Variants in ERCC8 observed in about 807,000 individuals in gnomAD.
The protein encoded by ERCC8 is DNA excision repair protein ERCC-8.
A neutral mutation model predicts 54.9 loss-of-function variants in ERCC8; 52 were observed. The ratio of observed to expected loss-of-function variants is 0.95; its 90% CI spans 0.76 to 1.19. The LOEUF is 1.19. Among genes scored for constraint, ERCC8 ranks in the 50% most tolerant of loss-of-function variants. The pLI, the probability that ERCC8 is intolerant of heterozygous loss-of-function variation, is 0.00. For synonymous variants in ERCC8, 146 were observed against 157.2 expected (o/e 0.93, Z 0.53); for missense variants, 514 against 466.1 (o/e 1.10, Z -0.95).
intron 1 of ERCC8, among the ~76,000 whole-genome samples, chr5:60,937,583 C>T (rs566735064): frequency 4.1e-4 from 63 of 152,270 alleles, no homozygotes; most frequent in African/African-American, 1.4e-3. Context: ...TGGGGAAGGC[C>T]GGCAGCCAAA....
chr5:60,941,852 T>C (rs1750266548), intron 1 of ERCC8, among the ~76,000 whole-genome samples: 1 of 152,156 alleles, frequency 6.6e-6, no homozygotes, highest in African/African-American at 2.4e-5. Flanking sequence ...GAAATAACTA[T>C]CTGGTTAAAT....
chr5:60,937,345 G>A (rs1309268382), intron 1 of ERCC8, among the ~76,000 whole-genome samples: 1 of 152,168 alleles, frequency 6.6e-6, no homozygotes, highest in Non-Finnish European at 1.5e-5. Flanking sequence ...TGGTGGGCAG[G>A]CCGATAGAGC....
At chr5:60,891,173 T>C (rs763847634) in intron 9 of ERCC8, 87 bp from the exon 10 acceptor site, 12 of 921,940 alleles carry the variant, frequency 1.3e-5, no homozygotes, top group African/African-American at 3.3e-5. Context: ...TAAAATATTA[T>C]GCTATAAAAA....
At chr5:60,893,241 T>C (rs1748620220) in intron 9 of ERCC8, 3 of 1,007,944 alleles carry the variant, frequency 3.0e-6, no homozygotes, top group African/African-American at 1.6e-5. Flanking sequence ...TAAGCCTTCA[T>C]AGTGGCCTCG....
In ERCC8 at chr5:60,880,025, A is replaced by G. The variant is rs536046542; in HGVS notation, c.1123-5342T>C. 1.1e-3 allele frequency among the ~76,000 whole-genome samples: 172 copies of G among 152,224 alleles called. 1 individual carries two copies. The highest frequency in any genetic ancestry group is 4.0e-3 in the African/African-American group (166 of 41,530). On this transcript the variant is annotated intron_variant, in intron 11 of 11. Coordinates refer to ENST00000676185, the MANE Select transcript of ERCC8 (RefSeq NM_000082.4). ...GTACCGGTTGTTCCTTTCCATGTTTAGTGCTTCCTTCAGGAGCTCTTTTAG... is the reference window on the plus strand; with the variant it reads ...GTACCGGTTGTTCCTTTCCATGTTTGGTGCTTCCTTCAGGAGCTCTTTTAG...
At chr5:60,883,549 G>A (rs1748308809) in intron 11 of ERCC8, among the ~76,000 whole-genome samples, 1 of 152,188 alleles carries the variant, frequency 6.6e-6, no homozygotes. Context: ...TATGAGTTTA[G>A]AGAAGGAATA....
intron 11 of ERCC8, among the ~76,000 whole-genome samples, chr5:60,886,243 T>C (rs1339834750): frequency 1.3e-5 from 2 of 152,116 alleles, no homozygotes; most frequent in Admixed American, 6.6e-5. Flanking sequence ...ACAGAGGCTA[T>C]TACTTTAGGT....
chr5:60,900,836 C>T (rs1406229643), intron 7 of ERCC8: 1 of 152,060 alleles, frequency 6.6e-6, no homozygotes, highest in East Asian at 1.9e-4. Context: ...TAGCTCTCCT[C>T]TTATCTGATG....
In ERCC8 at chr5:60,870,334, T is replaced by C. The variant is rs1579975394; in HGVS notation, c.*4281A>G. Among the ~76,000 whole-genome samples the C allele has an allele frequency of 6.6e-6, 1 of 151,352 alleles. No homozygotes were observed. The highest frequency in any genetic ancestry group is 1.5e-5 in the Non-Finnish European group (1 of 67,854). Reference sequence around the variant, plus strand: ...AAAAGGGCAAGGAGAAACGAAAAGATAAGACAATGAAAGAGAAGTCGAAGT... The same window carrying C: ...AAAAGGGCAAGGAGAAACGAAAAGACAAGACAATGAAAGAGAAGTCGAAGT... On this transcript the variant is annotated 3_prime_UTR_variant, in exon 12 of 12. Transcript: ENST00000676185.
chr5:60,885,166 C>G (rs1022986099), intron 11 of ERCC8, among the ~76,000 whole-genome samples: 2 of 151,988 alleles, frequency 1.3e-5, no homozygotes, highest in Non-Finnish European at 2.9e-5. Context: ...TGTAAAGCCA[C>G]CAAACCTGGC....
At position 60,874,096 on chromosome 5, in the gene ERCC8, G is replaced by T. The variant is rs4647157; in HGVS notation, c.*519C>A. 0.047 allele frequency: 7,174 copies of T among 152,698 alleles called. 572 individuals are homozygous for T. Among genetic ancestry groups the T allele is most frequent in the African/African-American group, 0.16 (6,796 of 41,508 alleles). The allele number at this position is 152,698 out of a possible 1,614,324, so 9.5% of individuals were successfully genotyped here. On this transcript the variant is annotated 3_prime_UTR_variant, in exon 12 of 12. Coordinates refer to ENST00000676185, the MANE Select transcript of ERCC8 (RefSeq NM_000082.4). The stretch of plus-strand genomic sequence containing the variant: ...TGAGCCCCAAAATGTTTAACATAAA[G>T]CATGGTTAATTAAATGAAACCACTG...
At chr5:60,894,268 G>A (rs1468194501) in intron 9 of ERCC8, among the ~76,000 whole-genome samples, 1 of 152,270 alleles carries the variant, frequency 6.6e-6, no homozygotes, top group Admixed American at 6.5e-5. Context: ...ACAGGCGTGA[G>A]CCACTGCGCC....
chr5:60,876,357 T>C (rs535073544), intron 11 of ERCC8, among the ~76,000 whole-genome samples: 2 of 152,370 alleles, frequency 1.3e-5, no homozygotes, highest in African/African-American at 4.8e-5. Flanking sequence ...CATGTGTCTT[T>C]ATAGCAGCAT....
chr5:60,868,026 C>A lies in ERCC8; in HGVS notation c.*6589G>T, dbSNP rs1015120693. Among the ~76,000 whole-genome samples, 1 of 152,096 alleles carries A rather than the reference C, an allele frequency of 6.6e-6. No homozygotes were observed. The highest frequency in any genetic ancestry group is 6.5e-5 in the Admixed American group (1 of 15,270). On this transcript the variant is annotated 3_prime_UTR_variant, in exon 12 of 12. Transcript: ENST00000676185. ...AGAAACCCTGTCTCTACTAAAAATACAAAATAAGCCAGGCATGGTGGCGCA... is the reference window on the plus strand; with the variant it reads ...AGAAACCCTGTCTCTACTAAAAATAAAAAATAAGCCAGGCATGGTGGCGCA...
At chr5:60,878,078 T>C (rs903794493) in intron 11 of ERCC8, among the ~76,000 whole-genome samples, 1 of 152,224 alleles carries the variant, frequency 6.6e-6, no homozygotes, top group African/African-American at 2.4e-5. Flanking sequence ...GTTTTTAGCA[T>C]GAAGGTTGTT....
chr5:60,873,211 A>G lies in ERCC8; in HGVS notation c.*1404T>C, dbSNP rs959773579. ...CATGTGAGGCATATGTCAGTTAGCTAGATTTAGTCATTCTATAATGTATAT... is the reference window on the plus strand; with the variant it reads ...CATGTGAGGCATATGTCAGTTAGCTGGATTTAGTCATTCTATAATGTATAT... On this transcript the variant is annotated 3_prime_UTR_variant, in exon 12 of 12. Transcript: ENST00000676185. Among the ~76,000 whole-genome samples, 6 of 152,232 alleles carry G rather than the reference A, an allele frequency of 3.9e-5. No individual in the cohort carries two copies. The highest frequency in any genetic ancestry group is 1.4e-4 in the African/African-American group (6 of 41,470).
chr5:60,915,429 G>A (rs1178637880), intron 4 of ERCC8: 2 of 152,050 alleles, frequency 1.3e-5, no homozygotes, highest in African/African-American at 2.4e-5. Context: ...GTAGAGTTCT[G>A]TAATAATTTT....
chr5:60,909,762 T>C (rs1749199548), intron 4 of ERCC8: 2 of 152,270 alleles, frequency 1.3e-5, no homozygotes, highest in Non-Finnish European at 2.9e-5. Context: ...CAGACCAGCC[T>C]GGCCAACATG....
intron 4 of ERCC8, among the ~76,000 whole-genome samples, chr5:60,911,634 C>T (rs978320765): frequency 6.6e-5 from 10 of 152,106 alleles, no homozygotes; most frequent in African/African-American, 2.4e-4. Context: ...GTTGCCATTG[C>T]TTTTGGTGTT....
Sources: allele counts gnomAD v4.1 joint callset (sites outside exome capture counted in the v4.1 genomes callset), GRCh38; gene constraint gnomAD v4.1.1; transcripts MANE v1.5; gene names NCBI Gene and HGNC (gene_info 2026-07-23, HGNC 2026-07-21).